Variants in FAM184A observed in about 807,000 individuals in gnomAD.
FAM184A encodes family with sequence similarity 184 member A.
A neutral mutation model predicts 143.8 loss-of-function variants in FAM184A; 99 were observed. The ratio of observed to expected loss-of-function variants is 0.69; its 90% CI spans 0.58 to 0.81. The LOEUF (loss-of-function observed/expected upper bound fraction) is 0.81, where lower values mean the gene tolerates loss of function less well. Among genes scored for constraint, FAM184A ranks in the 40% least tolerant of loss-of-function variants. FAM184A has a pLI of 0.00. For synonymous variants in FAM184A, 427 were observed against 446.4 expected, an observed-to-expected ratio of 0.96 and a Z score of 0.55; for missense variants, 1,217 against 1,310.5, an observed-to-expected ratio of 0.93 and a Z score of 1.10.
At chr6:119,113,765 C>A (rs1439930106) in intron 1 of FAM184A, among the ~76,000 whole-genome samples, 3 of 152,102 alleles carry the variant, frequency 2.0e-5, no homozygotes, top group African/African-American at 4.8e-5. Flanking sequence ...CATGGTGAGA[C>A]CCCCTGTCTC....
At chr6:119,117,563 T>G (rs612607) in intron 1 of FAM184A, among the ~76,000 whole-genome samples, 125,607 of 152,180 alleles carry the variant, frequency 0.83, 51,954 homozygotes, top group African/African-American at 0.86. Flanking sequence ...AGAGGCCCCA[T>G]TGCTTTGAAC....
At chr6:119,034,035 TATATATAGAGAGAGAG>T (rs1164350979) in intron 1 of FAM184A, among the ~76,000 whole-genome samples, 2,432 of 34,182 alleles carry the variant, frequency 0.071, 64 homozygotes, top group Non-Finnish European at 0.098. Flanking sequence ...TATATATATA[TATATATAGAGAGAGAG>T]AGAGAGAGAG....
intron 6 of FAM184A, among the ~76,000 whole-genome samples, chr6:119,008,162 T>C (rs1432429409): frequency 1.3e-5 from 2 of 152,204 alleles, no homozygotes; most frequent in East Asian, 1.9e-4. Flanking sequence ...AAAACACCTA[T>C]TGTCTCCCAA....
At chr6:119,113,602 C>T (rs1788986983) in intron 1 of FAM184A, among the ~76,000 whole-genome samples, 1 of 151,492 alleles carries the variant, frequency 6.6e-6, no homozygotes, top group African/African-American at 2.4e-5. Context: ...TAGGTGAGTA[C>T]AGTACAATAA....
chr6:119,132,858 G>T (rs1357880199), intron 1 of FAM184A, among the ~76,000 whole-genome samples: 1 of 152,226 alleles, frequency 6.6e-6, no homozygotes, highest in African/African-American at 2.4e-5. Flanking sequence ...CCTTGATAGC[G>T]AGGAGCTTAG....
chr6:119,089,722 G>A (rs1311171174), intron 1 of FAM184A, among the ~76,000 whole-genome samples: 6 of 152,166 alleles, frequency 3.9e-5, no homozygotes. Context: ...CACAAAATAA[G>A]CCTAAATAAG....
intron 1 of FAM184A, among the ~76,000 whole-genome samples, chr6:119,056,700 A>G (rs550486191): frequency 2.0e-5 from 3 of 152,322 alleles, no homozygotes; most frequent in Admixed American, 2.0e-4. Flanking sequence ...ACATGATAGA[A>G]TGAAGCCAAG....
chr6:119,136,035 T>C (rs1483492731), intron 1 of FAM184A, among the ~76,000 whole-genome samples: 1 of 149,932 alleles, frequency 6.7e-6, no homozygotes, highest in African/African-American at 2.4e-5. Flanking sequence ...TCCCAGCACT[T>C]TGGGAGGCCG....
chr6:119,082,768 C>T (rs537367920), upstream of FAM184A, among the ~76,000 whole-genome samples: 18 of 152,344 alleles, frequency 1.2e-4, no homozygotes, highest in East Asian at 1.7e-3. Flanking sequence ...CAGTGTTGAG[C>T]GCCTGTGGCT....
chr6:119,016,292 C>T (rs1295396637), intron 5 of FAM184A, among the ~76,000 whole-genome samples: 1 of 152,112 alleles, frequency 6.6e-6, no homozygotes, highest in Admixed American at 6.5e-5. Flanking sequence ...CGCTCGGGTC[C>T]CCTTCCACAC....
At chr6:119,096,224 C>G (rs1318992362) in intron 1 of FAM184A, among the ~76,000 whole-genome samples, 1 of 152,172 alleles carries the variant, frequency 6.6e-6, no homozygotes, top group African/African-American at 2.4e-5. Flanking sequence ...TCTCTCATGA[C>G]ACTTGTTTTC....
At chr6:119,064,467 A>G (rs1169497489) in intron 1 of FAM184A, among the ~76,000 whole-genome samples, 2 of 152,138 alleles carry the variant, frequency 1.3e-5, no homozygotes, top group Non-Finnish European at 2.9e-5. Flanking sequence ...TTGGGAGGCC[A>G]AGGCAGAAAG....
Position 118,989,123 on chromosome 6 carries a change from G to C in FAM184A, c.2089-8773C>G, listed in dbSNP as rs530967126. On this transcript the variant is annotated intron_variant, in intron 9 of 17. Transcript: ENST00000338891. ...ACTACAGGCGCCTGCCACTGCGCCC[G>C]GCTAATTTTTTGTATTTTTAGTAGA... Among the ~76,000 whole-genome samples, 12 of 151,854 alleles carry C rather than the reference G, an allele frequency of 7.9e-5. No homozygotes were observed. In the East Asian group the frequency reaches 2.3e-3, roughly 29 times the overall value.
At chr6:119,059,337 G>A (rs1005754004) in intron 1 of FAM184A, among the ~76,000 whole-genome samples, 1 of 152,180 alleles carries the variant, frequency 6.6e-6, no homozygotes, top group Non-Finnish European at 1.5e-5. Context: ...CCACAGCAGC[G>A]ACAGGTAACT....
At chr6:119,065,980 A>G (rs1024499193) in intron 1 of FAM184A, among the ~76,000 whole-genome samples, 4 of 152,230 alleles carry the variant, frequency 2.6e-5, no homozygotes, top group Non-Finnish European at 4.4e-5. Context: ...TGACCCCAGT[A>G]TCTTTGCAGA....
chr6:119,062,666 A>T (rs1787305386), intron 1 of FAM184A, among the ~76,000 whole-genome samples: 1 of 152,146 alleles, frequency 6.6e-6, no homozygotes, highest in South Asian at 2.1e-4. Context: ...TCTCAAAAAT[A>T]AAAAATAAAA....
intron 1 of FAM184A, among the ~76,000 whole-genome samples, chr6:119,073,897 C>T (rs569012123): frequency 6.6e-6 from 1 of 152,274 alleles, no homozygotes; most frequent in South Asian, 2.1e-4. Context: ...GAAGAGTGAA[C>T]AACCTGGGGT....
At chr6:119,024,925 A>G in intron 1 of FAM184A, 112 bp from the exon 2 acceptor site, 1 of 997,476 alleles carries the variant, frequency 1.0e-6, no homozygotes, top group Non-Finnish European at 1.5e-6. Flanking sequence ...AATATTGGCT[A>G]CAGCTAATGT....
At chr6:119,081,436 G>A (rs567355766), upstream of FAM184A, among the ~76,000 whole-genome samples, 29 of 152,296 alleles carry the variant, frequency 1.9e-4, no homozygotes, top group African/African-American at 6.3e-4. Context: ...AGACCCCAAA[G>A]CAGTGTCTAG....
Sources: allele counts gnomAD v4.1 joint callset (sites outside exome capture counted in the v4.1 genomes callset), GRCh38; gene constraint gnomAD v4.1.1; transcripts MANE v1.5; gene names NCBI Gene and HGNC (gene_info 2026-07-23, HGNC 2026-07-21).